ZFHX3: variants seen among roughly 807,000 people sequenced by gnomAD.
ZFHX3 encodes the protein zinc finger homeobox 3.
In ZFHX3, 42 loss-of-function variants were observed where a neutral mutation model predicts 279.1. The observed-to-expected ratio is 0.15, with a 90% CI of 0.12 to 0.19. ZFHX3 has a LOEUF of 0.19. Ranked by LOEUF, ZFHX3 falls within the 10% of genes least tolerant of loss-of-function variation. The pLI is 1.00. For missense variants in ZFHX3, 4,981 were observed against 4,754.0 expected (o/e 1.05, Z -1.40); for synonymous variants, 2,293 against 1,957.8 (o/e 1.17, Z -4.52).
intron 3 of ZFHX3, among the ~76,000 whole-genome samples, chr16:73,362,882 A>G (rs1047712544): frequency 1.2e-4 from 18 of 152,266 alleles, no homozygotes; most frequent in Non-Finnish European, 2.2e-4. Flanking sequence ...TTTAGTTATC[A>G]TGCTTAGTTT....
At chr16:73,693,536 C>A (rs1335745796) in intron 1 of ZFHX3, among the ~76,000 whole-genome samples, 1 of 151,622 alleles carries the variant, frequency 6.6e-6, no homozygotes. Context: ...AGAATATAGA[C>A]CAATCTATGT....
chr16:73,272,728 A>G (rs1318622463), intron 4 of ZFHX3, among the ~76,000 whole-genome samples: 1 of 152,126 alleles, frequency 6.6e-6, no homozygotes, highest in Non-Finnish European at 1.5e-5. Context: ...CAATATCAAC[A>G]TTTGTTAAGG....
intron 7 of ZFHX3, among the ~76,000 whole-genome samples, chr16:73,130,156 T>C (rs1226851214): frequency 6.6e-6 from 1 of 152,136 alleles, no homozygotes. Flanking sequence ...CAGAAATGTG[T>C]CTTATGGAAG....
At chr16:73,595,771 C>T (rs2052042483) in intron 2 of ZFHX3, among the ~76,000 whole-genome samples, 1 of 152,116 alleles carries the variant, frequency 6.6e-6, no homozygotes, top group Non-Finnish European at 1.5e-5. Context: ...ATACTCACTA[C>T]TCCGAACTGG....
intron 3 of ZFHX3, among the ~76,000 whole-genome samples, chr16:73,434,679 C>T (rs1394230738): frequency 6.6e-6 from 1 of 152,048 alleles, no homozygotes; most frequent in Non-Finnish European, 1.5e-5. Flanking sequence ...CAGATAACAT[C>T]ATTGAGGTTG....
At chr16:73,420,636 TG>T (rs1264567671) in intron 3 of ZFHX3, 1 of 152,242 alleles carries the variant, frequency 6.6e-6, no homozygotes, top group Non-Finnish European at 1.5e-5. Flanking sequence ...ACGGTTCATT[TG>T]TTTTTTTGTT....
At chr16:72,979,696 T>A (rs2144536405) in intron 1 of ZFHX3, among the ~76,000 whole-genome samples, 1 of 152,318 alleles carries the variant, frequency 6.6e-6, no homozygotes, top group Admixed American at 6.5e-5. Context: ...CAGTTATTTA[T>A]TGATCCTGTT....
At chr16:73,041,338 A>T (rs926082436) in intron 1 of ZFHX3, among the ~76,000 whole-genome samples, 1 of 149,154 alleles carries the variant, frequency 6.7e-6, no homozygotes, top group Admixed American at 6.7e-5. Flanking sequence ...GCTTTCCCCA[A>T]ATATACCTCT....
chr16:72,950,679 G>A lies in ZFHX3; in HGVS notation c.3006C>T (p.His1002=). The change falls in exon 3 of 10, where the codon CAC becomes CAT. Residue 1002 remains histidine, a synonymous_variant. Coordinates refer to ENST00000268489, the MANE Select transcript of ZFHX3 (RefSeq NM_006885.4). ...NTQLKANFQL[H]CKTDKHVQKY... ...TCTGCACGTGCTTGTCTGTCTTGCAGTGCAGCTGGAAGTTGGCCTTGAGCT... is the reference window on the plus strand; with the variant it reads ...TCTGCACGTGCTTGTCTGTCTTGCAATGCAGCTGGAAGTTGGCCTTGAGCT... 1 of 1,614,248 alleles carries A rather than the reference G, an allele frequency of 6.2e-7. No individual in the cohort carries two copies. Among genetic ancestry groups the A allele is most frequent in the Non-Finnish European group, 8.5e-7 (1 of 1,180,044 alleles).
intron 1 of ZFHX3, among the ~76,000 whole-genome samples, chr16:73,883,724 C>T (rs925526320): frequency 4.6e-5 from 7 of 151,726 alleles, no homozygotes; most frequent in African/African-American, 1.5e-4. Context: ...AAAAAGACAC[C>T]TAAAATATGA....
chr16:73,579,885 CATATAATGTATTA>C (rs2051841654), intron 2 of ZFHX3, among the ~76,000 whole-genome samples: 2 of 122,060 alleles, frequency 1.6e-5, no homozygotes, highest in Non-Finnish European at 3.4e-5. Flanking sequence ...CATACACACA[CATATAATGTATTA>C]ATATAATGTA....
intron 1 of ZFHX3, chr16:73,014,938 C>T (rs905641594): frequency 6.6e-6 from 1 of 151,896 alleles, no homozygotes; most frequent in African/African-American, 2.4e-5. Flanking sequence ...GGGGTTCACA[C>T]TACCCTCCTT....
At chr16:73,308,968 C>T (rs749252989) in intron 4 of ZFHX3, among the ~76,000 whole-genome samples, 18 of 151,932 alleles carry the variant, frequency 1.2e-4, no homozygotes, top group Non-Finnish European at 2.1e-4. Flanking sequence ...GAAGTTAGAT[C>T]CCATGACAGG....
At chr16:73,868,759 GTTTC>G (rs769869549) in intron 1 of ZFHX3, among the ~76,000 whole-genome samples, 184 of 151,342 alleles carry the variant, frequency 1.2e-3, no homozygotes, top group African/African-American at 2.9e-3. Context: ...ACACTGAAGG[GTTTC>G]TTTCTTTCTT....
intron 4 of ZFHX3, among the ~76,000 whole-genome samples, chr16:72,878,426 C>T (rs1042455194): frequency 3.9e-5 from 6 of 152,176 alleles, no homozygotes; most frequent in African/African-American, 1.4e-4. Flanking sequence ...GGCTGCCCTC[C>T]CCATGCTGTG....
intron 1 of ZFHX3, among the ~76,000 whole-genome samples, chr16:73,888,305 T>TC (rs5817881): frequency 0.027 from 4,172 of 152,088 alleles, 199 homozygotes; most frequent in African/African-American, 0.095. Flanking sequence ...TCCCTCCCCT[T>TC]CCCCCCACGG....
At chr16:73,209,405 G>T (rs922237406) in intron 5 of ZFHX3, among the ~76,000 whole-genome samples, 2 of 152,172 alleles carry the variant, frequency 1.3e-5, no homozygotes, top group African/African-American at 2.4e-5. Context: ...GCGCCTGCAG[G>T]TCTGGTGTCT....
chr16:73,780,074 C>CTCCT (rs1959406483), intron 1 of ZFHX3, among the ~76,000 whole-genome samples: 1 of 138,702 alleles, frequency 7.2e-6, no homozygotes, highest in African/African-American at 2.6e-5. Context: ...CCACCAGGGA[C>CTCCT]TCCTTCCTGT....
chr16:73,744,822 A>G (rs2053689447), intron 1 of ZFHX3, among the ~76,000 whole-genome samples: 1 of 152,178 alleles, frequency 6.6e-6, no homozygotes, highest in African/African-American at 2.4e-5. Context: ...TCTTCGTGAC[A>G]GAATATTTGA....
Sources: gnomAD v4.1 joint callset for allele counts (sites outside exome capture counted in the v4.1 genomes callset) on GRCh38, gnomAD v4.1.1 for gene constraint, MANE v1.5 for transcripts, NCBI Gene and HGNC (gene_info 2026-07-23, HGNC 2026-07-21) for gene names.